The following NFATC1 variants were observed in gnomAD, a reference collection of about 807,000 sequenced individuals.
NFATC1 encodes the protein nuclear factor of activated T cells 1.
A neutral mutation model predicts 76.0 loss-of-function variants in NFATC1; 22 were observed. That is an observed-to-expected ratio of 0.29 (90% CI 0.21 to 0.41). The LOEUF (loss-of-function observed/expected upper bound fraction) is 0.41, where lower values mean the gene tolerates loss of function less well. Among genes scored for constraint, NFATC1 ranks in the 10% least tolerant of loss-of-function variants. NFATC1 has a pLI of 1.00. For missense variants in NFATC1, 1,357 were observed against 1,337.7 expected, an observed-to-expected ratio of 1.01 and a Z score of -0.23; for synonymous variants, 704 against 613.1, an observed-to-expected ratio of 1.15 and a Z score of -2.19.
chr18:79,465,288 G>A lies in NFATC1; in HGVS notation c.1960-2162G>A, dbSNP rs1218560887. Among the ~76,000 whole-genome samples the A allele has an allele frequency of 6.6e-6, 1 of 152,176 alleles. No homozygotes were observed. Among genetic ancestry groups the A allele is most frequent in the South Asian group, 2.1e-4 (1 of 4,822 alleles). On this transcript the variant is annotated intron_variant, in intron 7 of 9. Transcript: ENST00000427363. The surrounding 1 kb of genome is among the most constrained non-coding windows in gnomAD (Gnocchi z 4.2). Reference sequence around the variant, plus strand: ...ATTTGTCTATTTAGAGAGTTGAAGTGGGTTGGCCTGTGCCCACATCAACAT... The same window carrying A: ...ATTTGTCTATTTAGAGAGTTGAAGTAGGTTGGCCTGTGCCCACATCAACAT...
chr18:79,415,972 G>A (rs528098007), intron 2 of NFATC1, among the ~76,000 whole-genome samples: 10 of 152,284 alleles, frequency 6.6e-5, no homozygotes, highest in African/African-American at 2.2e-4. Flanking sequence ...TGAGGCAGGC[G>A]AATCATTTGA....
At chr18:79,481,769 TTCCAGCGTGACCTGGTCCTGGGGTGTCAC>T (rs1451731559) in intron 8 of NFATC1, among the ~76,000 whole-genome samples, 6 of 152,176 alleles carry the variant, frequency 3.9e-5, no homozygotes, top group South Asian at 2.1e-4. Context: ...TGGGGTGTAA[TTCCAGCGTGACCTGGTCCTGGGGTGTCAC>T]TCCAGCGTGA....
intron 8 of NFATC1, among the ~76,000 whole-genome samples, chr18:79,475,498 T>A (rs1600856055): frequency 1.3e-5 from 2 of 150,034 alleles, no homozygotes; most frequent in South Asian, 2.1e-4. Flanking sequence ...CTGTCGACGT[T>A]GCGATGGAAG....
At chr18:79,447,267 G>A (rs1281439014) in intron 3 of NFATC1, among the ~76,000 whole-genome samples, 94 of 152,318 alleles carry the variant, frequency 6.2e-4, no homozygotes, top group Non-Finnish European at 1.6e-4. Context: ...CTGAGAATCC[G>A]CCGTCCCCTG....
intron 1 of NFATC1, 122 bp downstream of exon 1, chr18:79,396,473 G>T (rs1027338693): frequency 1.9e-6 from 1 of 538,536 alleles, no homozygotes; most frequent in Non-Finnish European, 2.5e-6. Flanking sequence ...GGTCGGCCGG[G>T]TCTGTGCGCC....
At chr18:79,402,975 T>A (rs1277939765) in intron 1 of NFATC1, among the ~76,000 whole-genome samples, 1 of 152,256 alleles carries the variant, frequency 6.6e-6, no homozygotes, top group Non-Finnish European at 1.5e-5. Flanking sequence ...GTTTTATAGA[T>A]TAGACTAAGC....
intron 8 of NFATC1, among the ~76,000 whole-genome samples, chr18:79,474,865 C>G (rs530460295): frequency 7.1e-6 from 1 of 139,958 alleles, no homozygotes; most frequent in East Asian, 2.2e-4. Flanking sequence ...CTGAGGGAAG[C>G]GTGTTCTCAC....
Position 79,410,345 on chromosome 18 carries a change from G to T in NFATC1, c.128-58G>T. On this transcript the variant is annotated intron_variant, in intron 1 of 9. Coordinates refer to ENST00000427363, the MANE Select transcript of NFATC1 (RefSeq NM_001278669.2). The surrounding 1 kb of genome is among the most constrained non-coding windows in gnomAD (Gnocchi z 6.7). ...TTGCTGGCCGGCCCTGAGTTCATGG[G>T]TTTCTGCTTTGTGATGCCCAGCCCC... The T allele has an allele frequency of 1.3e-6, 2 of 1,547,770 alleles. No individual in the cohort carries two copies. Among genetic ancestry groups the T allele is most frequent in the Non-Finnish European group, 1.7e-6 (2 of 1,150,286 alleles).
intron 9 of NFATC1, among the ~76,000 whole-genome samples, chr18:79,517,964 A>C (rs2090425163): frequency 1.3e-5 from 2 of 152,276 alleles, no homozygotes; most frequent in South Asian, 2.1e-4. Flanking sequence ...TATTTGGGTT[A>C]GCGTGGCTGA....
At position 79,411,061 on chromosome 18, in the gene NFATC1, T is replaced by A. The variant is rs2230112; in HGVS notation, c.786T>A (p.Pro262=). The A allele has an allele frequency of 2.4e-5, 38 of 1,611,530 alleles. No individual in the cohort carries two copies. In the Middle Eastern group the frequency reaches 1.3e-3, roughly 56 times the overall value. The change falls in exon 2 of 10, where the codon CCT becomes CCA. Residue 262 remains proline (P), a synonymous_variant. Coordinates refer to ENST00000427363, the MANE Select transcript of NFATC1 (RefSeq NM_001278669.2). ...CCCGCTCCTCCAGACCCGCGTCCCC[T>A]TGCAACAAGAGGAAGTACAGCCTCA... is the stretch of plus-strand genomic sequence containing the variant. ...LGARSSRPAS[P]CNKRKYSLNG... is the part of the protein sequence containing the mutation.
chr18:79,449,638 G>A (rs1038243789), intron 4 of NFATC1, among the ~76,000 whole-genome samples: 6 of 152,164 alleles, frequency 3.9e-5, no homozygotes, highest in South Asian at 2.1e-4. Flanking sequence ...GAGCTGGGAC[G>A]GCTGGAACGT....
At chr18:79,469,516 G>A in intron 8 of NFATC1, 6 of 985,764 alleles carry the variant, frequency 6.1e-6, no homozygotes, top group Non-Finnish European at 7.2e-6. Context: ...CACCCCACCT[G>A]GCAGCCGGCC....
intron 8 of NFATC1, chr18:79,468,631 A>G (rs1215162920): frequency 1.3e-5 from 2 of 152,260 alleles, no homozygotes; most frequent in African/African-American, 4.8e-5. Flanking sequence ...TGTAAACAGC[A>G]TTTGTAATAG....
At chr18:79,457,287 A>G (rs549619898) in intron 6 of NFATC1, among the ~76,000 whole-genome samples, 38 of 152,326 alleles carry the variant, frequency 2.5e-4, no homozygotes. Flanking sequence ...AGGATGGCTC[A>G]GTGGCCCAGA....
At chr18:79,469,674 AG>A in intron 8 of NFATC1, 1 of 985,880 alleles carries the variant, frequency 1.0e-6, no homozygotes, top group Non-Finnish European at 1.2e-6. Flanking sequence ...GGCTCAACGC[AG>A]GCCAGGTTCC....
chr18:79,479,334 G>A (rs1009286577), intron 8 of NFATC1, among the ~76,000 whole-genome samples: 1 of 151,626 alleles, frequency 6.6e-6, no homozygotes, highest in Admixed American at 6.6e-5. Flanking sequence ...GGGCCTGTGC[G>A]GCCCCCTCCA....
intron 2 of NFATC1, among the ~76,000 whole-genome samples, chr18:79,420,075 A>G (rs1253627102): frequency 6.6e-6 from 1 of 152,226 alleles, no homozygotes; most frequent in Non-Finnish European, 1.5e-5. Context: ...TGCACCTCCC[A>G]AGGTTTCCCA....
intron 8 of NFATC1, among the ~76,000 whole-genome samples, chr18:79,477,952 C>G: frequency 6.6e-6 from 1 of 152,174 alleles, no homozygotes; most frequent in East Asian, 1.9e-4. Flanking sequence ...CCTGCAAACA[C>G]CACTCTCAAG....
intron 9 of NFATC1, among the ~76,000 whole-genome samples, chr18:79,526,534 C>T (rs2090769883): frequency 6.6e-6 from 1 of 152,090 alleles, no homozygotes; most frequent in African/African-American, 2.4e-5. Context: ...GGCACCTTTG[C>T]TTGCCTGGGT....
Sources: allele counts gnomAD v4.1 joint callset (sites outside exome capture counted in the v4.1 genomes callset), GRCh38; gene constraint gnomAD v4.1.1; non-coding constraint Gnocchi (gnomAD v3.1); transcripts MANE v1.5; gene names NCBI Gene and HGNC (gene_info 2026-07-23, HGNC 2026-07-21).